Variants in UBXN7 observed in about 807,000 individuals in gnomAD.
UBXN7 encodes UBX domain protein 7.
UBXN7 carries 9 observed loss-of-function variants against 58.0 expected under a neutral mutation model. The ratio of observed to expected loss-of-function variants is 0.16; its 90% CI spans 0.09 to 0.27. The LOEUF is 0.27. UBXN7 is among the 10% of genes least tolerant of loss of function. The pLI is 1.00. For missense variants in UBXN7, 328 were observed against 599.6 expected, an observed-to-expected ratio of 0.55 and a Z score of 4.73; for synonymous variants, 208 against 205.0, an observed-to-expected ratio of 1.01 and a Z score of -0.12.
At chr3:196,356,878 G>A (rs1303688287) in intron 10 of UBXN7, 32 bp from the exon 11 acceptor site, 1 of 1,587,804 alleles carries the variant, frequency 6.3e-7, no homozygotes, top group Non-Finnish European at 8.5e-7. Context: ...AAAGCCATTA[G>A]ACGGAAAAAG....
intron 4 of UBXN7, among the ~76,000 whole-genome samples, chr3:196,392,821 T>TA (rs1238826062): frequency 1.3e-5 from 2 of 151,654 alleles, no homozygotes; most frequent in Non-Finnish European, 1.5e-5. Flanking sequence ...ATAGTAATAA[T>TA]AAAAAAAAGA....
rs1730537617 is a variant in UBXN7 at position 196,417,627 on chromosome 3, G to A, written c.74-10234C>T. On this transcript the variant is annotated intron_variant, in intron 1 of 10. Coordinates refer to ENST00000296328, the MANE Select transcript of UBXN7 (RefSeq NM_015562.2). ...ACCATGAATTAAAAGAATTCAGCTG[G>A]GCGTGGTGGCTCACACTGTAATCCC... Among the ~76,000 whole-genome samples, 4 of 149,570 alleles carry A rather than the reference G, an allele frequency of 2.7e-5. 1 individual carries two copies. The South Asian group carries it at 8.4e-4, about 31-fold the overall frequency.
At chr3:196,396,077 T>C (rs1346927201) in intron 3 of UBXN7, among the ~76,000 whole-genome samples, 1 of 150,428 alleles carries the variant, frequency 6.6e-6, no homozygotes, top group East Asian at 1.9e-4. Flanking sequence ...GAATTTTATT[T>C]TTAATTTAAA....
intron 5 of UBXN7, among the ~76,000 whole-genome samples, chr3:196,373,698 C>T (rs1418633343): frequency 1.3e-5 from 2 of 150,928 alleles, no homozygotes; most frequent in Non-Finnish European, 2.9e-5. Context: ...ATGAATCCCC[C>T]AGAATAAATT....
rs963145877 is a variant in UBXN7, at chr3:196,393,489, A to C, written c.355+65T>G. The C allele has an allele frequency of 1.1e-5, 17 of 1,478,320 alleles. No individual in the cohort carries two copies. The East Asian group carries it at 3.6e-4, about 32-fold the overall frequency. The allele number at this position is 1,478,320 out of a possible 1,614,324, so 91.6% of individuals were successfully genotyped here. On this transcript the variant is annotated intron_variant, in intron 4 of 10. Transcript: ENST00000296328. Reference sequence around the variant, plus strand: ...CTTAAAAGTAATTGGGCCTAATAGTAATCATCTTTGTCTTTTTAATAGGAA... The same window carrying C: ...CTTAAAAGTAATTGGGCCTAATAGTCATCATCTTTGTCTTTTTAATAGGAA...
At chr3:196,357,092 C>T (rs1409897585) in intron 10 of UBXN7, among the ~76,000 whole-genome samples, 1 of 152,156 alleles carries the variant, frequency 6.6e-6, no homozygotes, top group Non-Finnish European at 1.5e-5. Flanking sequence ...TATTATTTGG[C>T]TCCCCAATAA....
At chr3:196,358,499 G>A (rs1048290542) in intron 10 of UBXN7, among the ~76,000 whole-genome samples, 2 of 152,170 alleles carry the variant, frequency 1.3e-5, no homozygotes, top group African/African-American at 4.8e-5. Context: ...ACTTTGGGAG[G>A]CTGGGGAAGG....
At chr3:196,432,134 G>C in intron 1 of UBXN7, 193 bp downstream of exon 1, 1 of 747,494 alleles carries the variant, frequency 1.3e-6, no homozygotes, top group Non-Finnish European at 2.3e-6. Context: ...CGAGGGTATC[G>C]GGAGCGGGGG....
chr3:196,396,158 G>T (rs1429751082), intron 3 of UBXN7, among the ~76,000 whole-genome samples: 1 of 150,434 alleles, frequency 6.6e-6, no homozygotes, highest in African/African-American at 2.5e-5. Flanking sequence ...GAAAAAGCAA[G>T]AAATGTCATA....
intron 4 of UBXN7, 136 bp downstream of exon 4, chr3:196,393,418 A>T: frequency 1.3e-6 from 1 of 774,382 alleles, no homozygotes; most frequent in Non-Finnish European, 2.0e-6. Flanking sequence ...GGGGAGAATT[A>T]ATCACATTCT....
chr3:196,357,410 C>T (rs781487712), intron 10 of UBXN7, among the ~76,000 whole-genome samples: 8 of 152,294 alleles, frequency 5.3e-5, no homozygotes, highest in East Asian at 1.9e-4. Flanking sequence ...CAATGCCTGA[C>T]GCAAGGGATT....
At chr3:196,401,819 AGAAG>A in intron 3 of UBXN7, among the ~76,000 whole-genome samples, 1 of 128,176 alleles carries the variant, frequency 7.8e-6, no homozygotes. Flanking sequence ...AAAAGAAAAG[AGAAG>A]AGAGAAGAGA....
chr3:196,370,824 G>A (rs551399126), intron 6 of UBXN7, among the ~76,000 whole-genome samples: 3 of 141,858 alleles, frequency 2.1e-5, no homozygotes, highest in East Asian at 2.1e-4. Context: ...AGTTCGAGAC[G>A]AGCCTGGGCA....
chr3:196,401,411 TATC>T (rs1729979769), intron 3 of UBXN7, among the ~76,000 whole-genome samples: 1 of 150,380 alleles, frequency 6.6e-6, no homozygotes, highest in Non-Finnish European at 1.5e-5. Context: ...TAAAGTACTT[TATC>T]AAAAGACATA....
rs1728165330 is a variant in UBXN7 at position 196,349,594 on chromosome 3, G to A, written c.*7091C>T. 6.6e-6 allele frequency: 1 copy of A among 152,112 alleles called. No individual in the cohort carries two copies. Among genetic ancestry groups the A allele is most frequent in the African/African-American group, 2.4e-5 (1 of 41,412 alleles). 9.4% of individuals were successfully genotyped at this position (152,112 alleles called of 1,614,324 possible). ...AGTCTAATGTCATCAAACTGAAATG[G>A]ACCCTCGTGACGGGCACTATGGAAC... is the stretch of plus-strand genomic sequence containing the variant. On this transcript the variant is annotated 3_prime_UTR_variant, in exon 11 of 11. Coordinates refer to ENST00000296328, the MANE Select transcript of UBXN7 (RefSeq NM_015562.2).
At position 196,407,236 on chromosome 3, in the gene UBXN7, A is replaced by T; in HGVS notation, c.221+10T>A. 1 of 1,612,766 alleles carries T rather than the reference A, an allele frequency of 6.2e-7. No individual in the cohort carries two copies. Among genetic ancestry groups the T allele is most frequent in the Non-Finnish European group, 8.5e-7 (1 of 1,179,554 alleles). On this transcript the variant is annotated intron_variant, in intron 2 of 10. Coordinates refer to ENST00000296328, the MANE Select transcript of UBXN7 (RefSeq NM_015562.2). The stretch of plus-strand genomic sequence containing the variant: ...TGGATAGCTCCTGACAACACATAAT[A>T]AATTCATACTCTGTGTGTGGTCTGA...
rs1728120399 is a variant in UBXN7, at chr3:196,347,803, T to A, written c.*8882A>T. ...TCCCTCTCTCAGCACAGTGAGCTGATGTCTTCAAAAGACTTATCGTCCCAC... is the reference window on the plus strand; with the variant it reads ...TCCCTCTCTCAGCACAGTGAGCTGAAGTCTTCAAAAGACTTATCGTCCCAC... On this transcript the variant is annotated 3_prime_UTR_variant, in exon 11 of 11. Transcript: ENST00000296328. 1 of 152,330 alleles carries A rather than the reference T, an allele frequency of 6.6e-6. No individual in the cohort carries two copies. The highest frequency in any genetic ancestry group is 2.1e-4 in the South Asian group (1 of 4,826). 9.4% of individuals were successfully genotyped at this position (152,330 alleles called of 1,614,324 possible).
rs1728326776 is a variant in UBXN7, at chr3:196,355,703, A to C, written c.*982T>G. On this transcript the variant is annotated 3_prime_UTR_variant, in exon 11 of 11. Coordinates refer to ENST00000296328, the MANE Select transcript of UBXN7 (RefSeq NM_015562.2). ...CAGCTGAATGGTTTTCTTTTTCCCC[A>C]GGGACATACCTAAGTATGCCTGAAA... 6.6e-6 allele frequency: 1 copy of C among 152,228 alleles called. No homozygotes were observed. Among genetic ancestry groups the C allele is most frequent in the African/African-American group, 2.4e-5 (1 of 41,456 alleles). 9.4% of individuals were successfully genotyped at this position (152,228 alleles called of 1,614,324 possible). A position where few individuals can be genotyped will look rare whatever the true frequency, so the allele number is the denominator to read the frequency against.
intron 8 of UBXN7, among the ~76,000 whole-genome samples, chr3:196,367,463 G>A (rs1306865649): frequency 6.6e-6 from 1 of 152,068 alleles, no homozygotes; most frequent in Non-Finnish European, 1.5e-5. Context: ...AGTTGTTTCA[G>A]CAAAAACAAA....
Sources: gnomAD v4.1 joint callset for allele counts (sites outside exome capture counted in the v4.1 genomes callset) on GRCh38, gnomAD v4.1.1 for gene constraint, MANE v1.5 for transcripts, NCBI Gene and HGNC (gene_info 2026-07-23, HGNC 2026-07-21) for gene names.